ST18: variants seen among roughly 807,000 people sequenced by gnomAD.
The protein encoded by ST18 is ST18 C2H2C-type zinc finger transcription factor.
Under a neutral mutation model 110.0 loss-of-function variants are expected in ST18, and 50 were observed. The observed-to-expected ratio is 0.45, with a 90% CI of 0.36 to 0.58. The LOEUF is 0.58. Among genes scored for constraint, ST18 ranks in the 20% least tolerant of loss-of-function variants. The pLI is 0.00. For synonymous variants in ST18, 461 were observed against 452.4 expected, an observed-to-expected ratio of 1.02 and a Z score of -0.24; for missense variants, 1,306 against 1,280.1, an observed-to-expected ratio of 1.02 and a Z score of -0.31.
rs201937624 is a variant in ST18 at position 52,163,970 on chromosome 8, C to T, written c.1400+16G>A. 219 of 1,598,556 alleles carry T rather than the reference C, an allele frequency of 1.4e-4. No homozygotes were observed. The highest frequency in any genetic ancestry group is 1.8e-4 in the Non-Finnish European group (210 of 1,166,286). Reference sequence around the variant, plus strand: ...TGGATGAAGAGAGCACTGAGAACATCGTTAGGGGTTCATACCTGTGGGCCT... The same window carrying T: ...TGGATGAAGAGAGCACTGAGAACATTGTTAGGGGTTCATACCTGTGGGCCT... On this transcript the variant is annotated intron_variant, in intron 13 of 25. Coordinates refer to ENST00000689386, the MANE Select transcript of ST18 (RefSeq NM_001352837.2).
chr8:52,197,550 G>T (rs1312718594), intron 8 of ST18, among the ~76,000 whole-genome samples: 1 of 152,162 alleles, frequency 6.6e-6, no homozygotes, highest in African/African-American at 2.4e-5. Context: ...TTTAAGTGAA[G>T]ACCAGGAAAC....
chr8:52,351,798 G>A (rs2140323260), intron 2 of ST18, among the ~76,000 whole-genome samples: 1 of 152,274 alleles, frequency 6.6e-6, no homozygotes, highest in South Asian at 2.1e-4. Context: ...AGGACAAATG[G>A]CATGACCTTC....
chr8:52,201,875 C>T (rs2078103736), intron 8 of ST18, among the ~76,000 whole-genome samples: 1 of 152,192 alleles, frequency 6.6e-6, no homozygotes, highest in Non-Finnish European at 1.5e-5. Context: ...CCAAATGAGA[C>T]CAAGTGAGAC....
At chr8:52,242,485 C>T (rs1421914855) in intron 2 of ST18, among the ~76,000 whole-genome samples, 1 of 152,172 alleles carries the variant, frequency 6.6e-6, no homozygotes, top group Non-Finnish European at 1.5e-5. Context: ...GCTAGCTGAC[C>T]TTACCTTATA....
chr8:52,310,811 T>C (rs1239435192), intron 2 of ST18, among the ~76,000 whole-genome samples: 2 of 150,468 alleles, frequency 1.3e-5, no homozygotes, highest in Admixed American at 6.6e-5. Context: ...CAGCAGGGAG[T>C]CTTGGGAGCC....
intron 2 of ST18, among the ~76,000 whole-genome samples, chr8:52,374,324 G>T (rs1831354297): frequency 6.6e-6 from 1 of 152,060 alleles, no homozygotes; most frequent in South Asian, 2.1e-4. Context: ...TGGAGGCAGA[G>T]GCTGGGTGAT....
chr8:52,191,283 C>G (rs1272340407), intron 8 of ST18, among the ~76,000 whole-genome samples: 3 of 152,154 alleles, frequency 2.0e-5, no homozygotes, highest in Non-Finnish European at 4.4e-5. Flanking sequence ...ATGTCATGTG[C>G]AGCAAAGAAT....
chr8:52,165,314 A>G, intron 11 of ST18, 89 bp from the exon 12 acceptor site: 1 of 1,306,514 alleles, frequency 7.7e-7, no homozygotes, highest in Non-Finnish European at 1.1e-6. Flanking sequence ...TTGCATTTAA[A>G]TGACTTCAGT....
At position 52,158,916 on chromosome 8, in the gene ST18, T is replaced by C. The variant is rs142376180; in HGVS notation, c.1788A>G (p.Pro596=). 2 of 1,613,894 alleles carry C rather than the reference T, an allele frequency of 1.2e-6. No homozygotes were observed. The highest frequency in any genetic ancestry group is 1.7e-6 in the Non-Finnish European group (2 of 1,179,894). The stretch of plus-strand genomic sequence containing the variant: ...GGCCTACCTTGGCATGCAGACTCTG[T>C]GGCTTGTTGGAGAGGATGTCTGTGG... ...REATDILSNK[P]QSLHAKGAEI... Residue 596 remains proline (P), a synonymous_variant, in exon 15 of 26, where the codon CCA becomes CCG. Transcript: ENST00000689386.
chr8:52,272,410 A>G (rs1417275078), intron 2 of ST18, among the ~76,000 whole-genome samples: 1 of 143,254 alleles, frequency 7.0e-6, no homozygotes, highest in African/African-American at 3.0e-5. Flanking sequence ...ACATTTCTCC[A>G]AAGGAGACAT....
At chr8:52,206,114 C>T (rs997319551) in intron 8 of ST18, among the ~76,000 whole-genome samples, 1 of 152,140 alleles carries the variant, frequency 6.6e-6, no homozygotes, top group African/African-American at 2.4e-5. Context: ...GATTCAGTCG[C>T]TTCCCTGTCA....
At chr8:52,161,766 G>A (rs1343922718) in intron 13 of ST18, among the ~76,000 whole-genome samples, 198 bp from the exon 14 acceptor site, 1 of 152,148 alleles carries the variant, frequency 6.6e-6, no homozygotes, top group Non-Finnish European at 1.5e-5. Flanking sequence ...GATGCTCTGG[G>A]CTCTACATCA....
chr8:52,375,783 G>A (rs1220593488), intron 2 of ST18, among the ~76,000 whole-genome samples: 1 of 152,074 alleles, frequency 6.6e-6, no homozygotes, highest in Non-Finnish European at 1.5e-5. Flanking sequence ...AGGATGTCTT[G>A]CACGCACATT....
At position 52,112,455 on chromosome 8, in the gene ST18, C is replaced by T. The variant is rs1032666628; in HGVS notation, c.*743G>A. Reference sequence around the variant, plus strand: ...ATTTCAAATAAATAATTCATATTAACGAAAACCGTCCAGCCAAGTCGAATA... The same window carrying T: ...ATTTCAAATAAATAATTCATATTAATGAAAACCGTCCAGCCAAGTCGAATA... On this transcript the variant is annotated 3_prime_UTR_variant, in exon 26 of 26. Coordinates refer to ENST00000689386, the MANE Select transcript of ST18 (RefSeq NM_001352837.2). The T allele has an allele frequency of 2.0e-5, 3 of 152,592 alleles. No homozygotes were observed. Among genetic ancestry groups the T allele is most frequent in the Non-Finnish European group, 4.4e-5 (3 of 68,030 alleles). 9.5% of individuals were successfully genotyped at this position (152,592 alleles called of 1,614,324 possible). A position where few individuals can be genotyped will look rare whatever the true frequency, so the allele number is the denominator to read the frequency against.
intron 8 of ST18, among the ~76,000 whole-genome samples, chr8:52,209,801 A>G (rs1193202157): frequency 6.9e-6 from 1 of 145,816 alleles, no homozygotes; most frequent in Non-Finnish European, 1.5e-5. Context: ...ATATATATAT[A>G]TATATATATA....
At chr8:52,345,150 T>A (rs1226877009) in intron 2 of ST18, among the ~76,000 whole-genome samples, 1 of 152,156 alleles carries the variant, frequency 6.6e-6, no homozygotes, top group African/African-American at 2.4e-5. Context: ...TTCAAGTATT[T>A]ATTATTATTT....
intron 6 of ST18, among the ~76,000 whole-genome samples, chr8:52,217,314 C>T (rs2084695045): frequency 6.6e-6 from 1 of 152,028 alleles, no homozygotes; most frequent in Non-Finnish European, 1.5e-5. Flanking sequence ...GAATGTACTT[C>T]TCGATAGGAG....
chr8:52,290,383 C>T lies in ST18; in HGVS notation c.-464-60306G>A, dbSNP rs117427478. 3.3e-5 allele frequency among the ~76,000 whole-genome samples: 5 copies of T among 152,248 alleles called. No individual in the cohort carries two copies. The East Asian group carries it at 9.7e-4, about 29-fold the overall frequency. On this transcript the variant is annotated intron_variant, in intron 2 of 25. Coordinates refer to ENST00000689386, the MANE Select transcript of ST18 (RefSeq NM_001352837.2). Reference sequence around the variant, plus strand: ...GGAAATGCTACACTTTAGACCTGCTCAGAGGTGAAGATGCTTAATGAGTAA... The same window carrying T: ...GGAAATGCTACACTTTAGACCTGCTTAGAGGTGAAGATGCTTAATGAGTAA...
rs746974067 is a variant in ST18, at chr8:52,373,998, A to G, written c.-465+35330T>C. On this transcript the variant is annotated intron_variant, in intron 2 of 25. Transcript: ENST00000689386. ...GTTTTCGCCATCATTCTGTTTCTCA[A>G]TTCTCTAATACCTCCTTGCCTGCCT... Among the ~76,000 whole-genome samples the G allele has an allele frequency of 7.9e-5, 12 of 151,778 alleles. 1 individual carries two copies. The highest frequency in any genetic ancestry group is 1.5e-4 in the Non-Finnish European group (10 of 67,940).
Sources: allele counts gnomAD v4.1 joint callset (sites outside exome capture counted in the v4.1 genomes callset), GRCh38; gene constraint gnomAD v4.1.1; transcripts MANE v1.5; gene names NCBI Gene and HGNC (gene_info 2026-07-23, HGNC 2026-07-21).